SPAG16: variants seen among roughly 807,000 people sequenced by gnomAD.
SPAG16 encodes the protein sperm-associated antigen 16 protein.
In SPAG16, 86 loss-of-function variants were observed where a neutral mutation model predicts 80.4. The observed-to-expected ratio is 1.07, with a 90% CI of 0.90 to 1.28. SPAG16 has a LOEUF of 1.28. SPAG16 is among the 50% of genes most tolerant of loss of function. The probability of loss-of-function intolerance (pLI) is 0.00; values close to 1 mark genes in which losing one functional copy is unlikely to be tolerated. For missense variants in SPAG16, 870 were observed against 765.3 expected, an observed-to-expected ratio of 1.14 and a Z score of -1.61; for synonymous variants, 294 against 265.9, an observed-to-expected ratio of 1.11 and a Z score of -1.03.
intron 14 of SPAG16, among the ~76,000 whole-genome samples, chr2:214,127,634 A>G (rs1233395378): frequency 6.6e-6 from 1 of 151,852 alleles, no homozygotes; most frequent in African/African-American, 2.4e-5. Flanking sequence ...AATGCATTTT[A>G]TTTTGTTTAG....
At chr2:213,342,767 A>G (rs549755161) in intron 6 of SPAG16, among the ~76,000 whole-genome samples, 4 of 152,120 alleles carry the variant, frequency 2.6e-5, no homozygotes, top group Non-Finnish European at 4.4e-5. Flanking sequence ...ACATGACTGG[A>G]CAAAATACAT....
chr2:213,873,911 A>G (rs995675605), intron 11 of SPAG16, among the ~76,000 whole-genome samples: 2 of 152,140 alleles, frequency 1.3e-5, no homozygotes, highest in African/African-American at 4.8e-5. Context: ...CTTCCAGGCT[A>G]TATACCATAG....
chr2:213,945,045 G>T (rs2079381522), intron 12 of SPAG16, among the ~76,000 whole-genome samples: 2 of 151,764 alleles, frequency 1.3e-5, no homozygotes, highest in Admixed American at 1.3e-4. Flanking sequence ...CTCAATAAAA[G>T]ACAAGACATG....
intron 10 of SPAG16, among the ~76,000 whole-genome samples, chr2:213,603,271 G>A (rs1007433536): frequency 2.0e-5 from 3 of 152,154 alleles, no homozygotes; most frequent in Non-Finnish European, 2.9e-5. Context: ...TATATCTTTC[G>A]CTCATTTTTC....
intron 4 of SPAG16, among the ~76,000 whole-genome samples, chr2:213,311,215 A>G (rs1351446259): frequency 1.3e-5 from 2 of 151,726 alleles, no homozygotes; most frequent in Non-Finnish European, 3.0e-5. Flanking sequence ...AGTGTGAATT[A>G]TTTAAAATAA....
chr2:213,502,313 G>T (rs2125780568), intron 10 of SPAG16, among the ~76,000 whole-genome samples: 1 of 152,134 alleles, frequency 6.6e-6, no homozygotes, highest in South Asian at 2.1e-4. Context: ...TGTAGAGATG[G>T]GGTCTTGCCA....
At chr2:214,374,541 G>A (rs1280925356) in intron 15 of SPAG16, among the ~76,000 whole-genome samples, 3 of 152,034 alleles carry the variant, frequency 2.0e-5, no homozygotes, top group African/African-American at 7.2e-5. Flanking sequence ...TAAAATATTT[G>A]GTATCATAAA....
rs139513934 is a variant in SPAG16, at chr2:213,509,960, C to T, written c.1070+19870C>T. Among the ~76,000 whole-genome samples, 27 of 152,108 alleles carry T rather than the reference C, an allele frequency of 1.8e-4. No individual in the cohort carries two copies. The East Asian group carries it at 1.9e-3, about 11-fold the overall frequency. On this transcript the variant is annotated intron_variant, in intron 10 of 15. Coordinates refer to ENST00000331683, the MANE Select transcript of SPAG16 (RefSeq NM_024532.5). ...AGAAAAGAGAGAAGAATCAAATAGACGCAATACAAAATGATAAAGGGGATA... is the reference window on the plus strand; with the variant it reads ...AGAAAAGAGAGAAGAATCAAATAGATGCAATACAAAATGATAAAGGGGATA...
intron 15 of SPAG16, among the ~76,000 whole-genome samples, chr2:214,295,726 G>A (rs1694083591): frequency 1.3e-5 from 2 of 152,074 alleles, no homozygotes; most frequent in Admixed American, 1.3e-4. Context: ...AGGAGGCGGA[G>A]GTTGCAGTGA....
At chr2:214,215,757 G>C (rs2058416653) in intron 15 of SPAG16, among the ~76,000 whole-genome samples, 1 of 152,134 alleles carries the variant, frequency 6.6e-6, no homozygotes, top group African/African-American at 2.4e-5. Flanking sequence ...CCTTCTGCCA[G>C]TTGCAATACA....
chr2:213,307,956 T>A (rs573156237), intron 3 of SPAG16, among the ~76,000 whole-genome samples: 1 of 152,170 alleles, frequency 6.6e-6, no homozygotes, highest in Non-Finnish European at 1.5e-5. Context: ...GTAAACATTC[T>A]GTGCATTCTG....
intron 9 of SPAG16, among the ~76,000 whole-genome samples, chr2:213,474,165 C>G (rs1428860898): frequency 6.6e-6 from 1 of 152,190 alleles, no homozygotes; most frequent in South Asian, 2.1e-4. Flanking sequence ...AGCATCCTTC[C>G]ACATGTTCCC....
intron 14 of SPAG16, among the ~76,000 whole-genome samples, chr2:214,140,326 G>A (rs34869910): frequency 0.098 from 14,696 of 149,682 alleles, 870 homozygotes; most frequent in South Asian, 0.22. Context: ...TAATTTAATT[G>A]CATCATCGTC....
At position 214,094,396 on chromosome 2, in the gene SPAG16, G is replaced by A. The variant is rs552680024; in HGVS notation, c.1528-13800G>A. On this transcript the variant is annotated intron_variant, in intron 13 of 15. Coordinates refer to ENST00000331683, the MANE Select transcript of SPAG16 (RefSeq NM_024532.5). ...AGTACATGTTAGAATCACATGGCATGCTAATTAAAATACAAAGTCCTGAAA... is the reference window on the plus strand; with the variant it reads ...AGTACATGTTAGAATCACATGGCATACTAATTAAAATACAAAGTCCTGAAA... Among the ~76,000 whole-genome samples, 27 of 152,116 alleles carry A rather than the reference G, an allele frequency of 1.8e-4. 1 individual carries two copies. Among genetic ancestry groups the A allele is most frequent in the Admixed American group, 1.7e-3 (26 of 15,260 alleles).
chr2:214,343,253 C>A (rs1166097025), intron 15 of SPAG16, among the ~76,000 whole-genome samples: 1 of 152,008 alleles, frequency 6.6e-6, no homozygotes, highest in East Asian at 1.9e-4. Context: ...GAAAGCAAAT[C>A]AAGAAACAGA....
chr2:213,541,292 C>T (rs2076438191), intron 10 of SPAG16, among the ~76,000 whole-genome samples: 1 of 152,088 alleles, frequency 6.6e-6, no homozygotes. Flanking sequence ...AATTAGGACG[C>T]ATAGAGTGAA....
intron 9 of SPAG16, among the ~76,000 whole-genome samples, chr2:213,395,462 T>G (rs1052133993): frequency 6.6e-6 from 1 of 152,214 alleles, no homozygotes; most frequent in Non-Finnish European, 1.5e-5. Context: ...TTCCATCAAG[T>G]CTTCCTCTTT....
rs564115008 is a variant in SPAG16, at chr2:213,508,955, A to G, written c.1070+18865A>G. Among the ~76,000 whole-genome samples the G allele has an allele frequency of 2.7e-5, 4 of 150,462 alleles. No individual in the cohort carries two copies. In the East Asian group the frequency reaches 5.9e-4, roughly 22 times the overall value. ...AGTCCCACAGCCTTTAACTCCTTTT[A>G]CTGACTGTGTTGTTATTTTCTATAC... is the stretch of plus-strand genomic sequence containing the variant. On this transcript the variant is annotated intron_variant, in intron 10 of 15. Transcript: ENST00000331683.
chr2:213,645,926 G>A lies in SPAG16; in HGVS notation c.1070+155836G>A, dbSNP rs144557458. Among the ~76,000 whole-genome samples, 596 of 152,350 alleles carry A rather than the reference G, an allele frequency of 3.9e-3. 5 individuals carry two copies. The highest frequency in any genetic ancestry group is 6.0e-3 in the Non-Finnish European group (410 of 68,034). On this transcript the variant is annotated intron_variant, in intron 10 of 15. Transcript: ENST00000331683. ...TGAGGTTTGAAGGCACTCAAGTTCT[G>A]ATGGCTGTGATCCAGGATTCTCCTC... is the stretch of plus-strand genomic sequence containing the variant.
Sources: gnomAD v4.1 joint callset for allele counts (sites outside exome capture counted in the v4.1 genomes callset) on GRCh38, gnomAD v4.1.1 for gene constraint, MANE v1.5 for transcripts, NCBI Gene and HGNC (gene_info 2026-07-23, HGNC 2026-07-21) for gene names.